Variants in C12orf42 observed in about 807,000 individuals in gnomAD.
C12orf42 encodes the protein uncharacterized protein C12orf42.
In C12orf42, 25 loss-of-function variants were observed where a neutral mutation model predicts 21.6. That is an observed-to-expected ratio of 1.16 (90% CI 0.84 to 1.62). The LOEUF (loss-of-function observed/expected upper bound fraction) is 1.62, where lower values mean the gene tolerates loss of function less well. Ranked by LOEUF, C12orf42 falls within the 40% of genes most tolerant of loss-of-function variation. The pLI is 0.00. For missense variants in C12orf42, 483 were observed against 459.3 expected (o/e 1.05, Z -0.47); for synonymous variants, 174 against 175.0 (o/e 0.99, Z 0.05).
At chr12:103,208,204 G>T in the C12orf42 span, among the ~76,000 whole-genome samples, 1 of 152,192 alleles carries the variant, frequency 6.6e-6, no homozygotes, top group African/African-American at 2.4e-5. Flanking sequence ...TGCACAAAAG[G>T]TGCGCTGGGG....
At chr12:103,243,179 A>G (rs1268555786) in intron 10 of C12orf42, among the ~76,000 whole-genome samples, 1 of 151,892 alleles carries the variant, frequency 6.6e-6, no homozygotes, top group African/African-American at 2.4e-5. Flanking sequence ...ACACACCACC[A>G]TGCCCAGCTA....
At chr12:103,350,172 A>G (rs1238950010) in intron 4 of C12orf42, among the ~76,000 whole-genome samples, 2 of 152,192 alleles carry the variant, frequency 1.3e-5, no homozygotes, top group Non-Finnish European at 2.9e-5. Context: ...CCATGGTTTC[A>G]GTTATCCACA....
chr12:103,224,990 G>T, the C12orf42 span, among the ~76,000 whole-genome samples: 5 of 152,196 alleles, frequency 3.3e-5, no homozygotes, highest in African/African-American at 1.2e-4. Flanking sequence ...ATAGGTAACA[G>T]ATGAGGATGA....
At chr12:103,350,003 G>A (rs939779580) in intron 4 of C12orf42, among the ~76,000 whole-genome samples, 10 of 152,060 alleles carry the variant, frequency 6.6e-5, no homozygotes, top group African/African-American at 1.9e-4. Context: ...GAATATTGTG[G>A]AAAGGGTTAA....
At chr12:103,060,060 A>G in the C12orf42 span, among the ~76,000 whole-genome samples, 1 of 152,216 alleles carries the variant, frequency 6.6e-6, no homozygotes, top group East Asian at 1.9e-4. Context: ...TGCAGAAGAC[A>G]TGATTCTATA....
chr12:103,501,050 G>A, the C12orf42 span, among the ~76,000 whole-genome samples: 1 of 152,238 alleles, frequency 6.6e-6, no homozygotes, highest in Non-Finnish European at 1.5e-5. Context: ...GATCCAAGAT[G>A]TGGCTGTGGT....
chr12:103,382,163 C>A (rs1373681445), intron 3 of C12orf42, among the ~76,000 whole-genome samples: 8 of 151,900 alleles, frequency 5.3e-5, no homozygotes, highest in South Asian at 2.1e-4. Flanking sequence ...GGAATCATGG[C>A]TTTTTTTTGT....
chr12:103,181,098 C>T, the C12orf42 span, among the ~76,000 whole-genome samples: 1 of 151,572 alleles, frequency 6.6e-6, no homozygotes, highest in African/African-American at 2.4e-5. Flanking sequence ...CCCGTCTCTA[C>T]TAAAAATACA....
chr12:103,189,379 C>T, the C12orf42 span, among the ~76,000 whole-genome samples: 1 of 152,148 alleles, frequency 6.6e-6, no homozygotes, highest in East Asian at 1.9e-4. Context: ...GAGATGTCAG[C>T]AGGATAGAGA....
intron 4 of C12orf42, among the ~76,000 whole-genome samples, chr12:103,307,536 T>G (rs1038869903): frequency 6.6e-6 from 1 of 152,138 alleles, no homozygotes; most frequent in East Asian, 1.9e-4. Flanking sequence ...GTCAAAGATA[T>G]TAATGAGCAG....
intron 2 of C12orf42, among the ~76,000 whole-genome samples, chr12:103,421,504 G>T (rs558399694): frequency 1.3e-3 from 193 of 152,054 alleles, no homozygotes; most frequent in Middle Eastern, 0.01. Context: ...AATCTGGGAG[G>T]TTAAGGCTAC....
At chr12:103,165,419 A>G in the C12orf42 span, among the ~76,000 whole-genome samples, 2 of 152,202 alleles carry the variant, frequency 1.3e-5, no homozygotes, top group Non-Finnish European at 2.9e-5. Context: ...TTTTCAGTGG[A>G]TTCTGGTTCA....
intron 2 of C12orf42, among the ~76,000 whole-genome samples, chr12:103,439,674 C>G (rs1951043936): frequency 6.6e-6 from 1 of 151,616 alleles, no homozygotes; most frequent in African/African-American, 2.4e-5. Context: ...TCATCACTGG[C>G]CATCAGAGAA....
At chr12:103,170,540 C>T in the C12orf42 span, among the ~76,000 whole-genome samples, 29 of 152,034 alleles carry the variant, frequency 1.9e-4, no homozygotes, top group African/African-American at 6.3e-4. Flanking sequence ...CTCCTCTCCT[C>T]GTACACATAC....
chr12:103,083,928 C>CA, the C12orf42 span, among the ~76,000 whole-genome samples: 4 of 152,196 alleles, frequency 2.6e-5, no homozygotes, highest in Non-Finnish European at 4.4e-5. Context: ...TCTCCATCAA[C>CA]AGCCTGTTGG....
chr12:103,153,996 A>G, the C12orf42 span, among the ~76,000 whole-genome samples: 1 of 149,210 alleles, frequency 6.7e-6, no homozygotes, highest in African/African-American at 2.5e-5. Flanking sequence ...CAATCTACAC[A>G]GACATACAAG....
At chr12:103,219,049 A>G in the C12orf42 span, among the ~76,000 whole-genome samples, 1 of 152,178 alleles carries the variant, frequency 6.6e-6, no homozygotes, top group Non-Finnish European at 1.5e-5. Flanking sequence ...GGCACCTGGA[A>G]TGCCAGGGAG....
intron 4 of C12orf42, among the ~76,000 whole-genome samples, chr12:103,321,843 C>T (rs1366833847): frequency 1.4e-5 from 2 of 147,734 alleles, no homozygotes; most frequent in South Asian, 2.2e-4. Flanking sequence ...GGAAGGGGAA[C>T]ATCACACTCT....
chr12:103,308,429 A>G (rs2038599727), intron 4 of C12orf42, among the ~76,000 whole-genome samples: 1 of 152,228 alleles, frequency 6.6e-6, no homozygotes, highest in Non-Finnish European at 1.5e-5. Flanking sequence ...TACTCTTATA[A>G]TTCAGAAATC....
Sources: allele counts gnomAD v4.1 joint callset (sites outside exome capture counted in the v4.1 genomes callset), GRCh38; gene constraint gnomAD v4.1.1; transcripts MANE v1.5; gene names NCBI Gene and HGNC (gene_info 2026-07-23, HGNC 2026-07-21).